The following FSTL5 variants were observed in gnomAD, a reference collection of about 807,000 sequenced individuals.
FSTL5 encodes follistatin like 5.
Under a neutral mutation model 89.1 loss-of-function variants are expected in FSTL5, and 62 were observed. The observed-to-expected ratio is 0.70, with a 90% CI of 0.57 to 0.86. FSTL5 has a LOEUF of 0.86. FSTL5 is among the 40% of genes least tolerant of loss of function. The probability of loss-of-function intolerance (pLI) is 0.00; values close to 1 mark genes in which losing one functional copy is unlikely to be tolerated. For missense variants in FSTL5, 1,057 were observed against 1,001.6 expected (o/e 1.06, Z -0.75); for synonymous variants, 383 against 346.2 (o/e 1.11, Z -1.18).
chr4:161,388,964 T>C (rs1730733553), intron 15 of FSTL5, among the ~76,000 whole-genome samples: 1 of 152,142 alleles, frequency 6.6e-6, no homozygotes, highest in African/African-American at 2.4e-5. Context: ...AAGATCTTTG[T>C]GGGGTGATAA....
chr4:161,867,148 T>C (rs941850458), intron 4 of FSTL5, among the ~76,000 whole-genome samples: 24 of 152,118 alleles, frequency 1.6e-4, no homozygotes, highest in Admixed American at 1.2e-3. Context: ...ATCAAATGGG[T>C]TCAGTTTCAT....
chr4:161,494,664 C>T (rs768375506), intron 12 of FSTL5, among the ~76,000 whole-genome samples: 3 of 152,034 alleles, frequency 2.0e-5, no homozygotes, highest in Non-Finnish European at 2.9e-5. Context: ...GTGGAAATGC[C>T]AAACCTGGAT....
intron 15 of FSTL5, among the ~76,000 whole-genome samples, chr4:161,416,200 G>A (rs1230871729): frequency 6.6e-6 from 1 of 152,136 alleles, no homozygotes; most frequent in Non-Finnish European, 1.5e-5. Flanking sequence ...ACCAAATGCT[G>A]TTCTTTTTCT....
chr4:161,676,473 G>A lies in FSTL5; in HGVS notation c.728-19979C>T, dbSNP rs368137934. Among the ~76,000 whole-genome samples, 28 of 152,030 alleles carry A rather than the reference G, an allele frequency of 1.8e-4. No individual in the cohort carries two copies. The East Asian group carries it at 4.1e-3, about 22-fold the overall frequency. On this transcript the variant is annotated intron_variant, in intron 6 of 15. Coordinates refer to ENST00000306100, the MANE Select transcript of FSTL5 (RefSeq NM_020116.5). ...AACAATGAGAACACATGGACACAGG[G>A]AGGGGAACATCACACACCGGGGCCT...
At chr4:161,883,159 A>T (rs1288582177) in intron 4 of FSTL5, among the ~76,000 whole-genome samples, 1 of 152,164 alleles carries the variant, frequency 6.6e-6, no homozygotes, top group Non-Finnish European at 1.5e-5. Flanking sequence ...AAAATAAGAG[A>T]TAAAAAATAA....
chr4:161,999,791 T>C (rs987826691), intron 3 of FSTL5, among the ~76,000 whole-genome samples: 1 of 152,214 alleles, frequency 6.6e-6, no homozygotes, highest in Admixed American at 6.5e-5. Flanking sequence ...GAAATCATGA[T>C]ACATAATGCA....
intron 5 of FSTL5, among the ~76,000 whole-genome samples, chr4:161,766,527 A>G (rs893531770): frequency 1.3e-5 from 2 of 152,136 alleles, no homozygotes; most frequent in South Asian, 2.1e-4. Flanking sequence ...TGCTCTGCAC[A>G]GTTTCCAGTT....
intron 3 of FSTL5, among the ~76,000 whole-genome samples, chr4:161,985,441 T>C (rs532925523): frequency 2.6e-5 from 4 of 152,070 alleles, no homozygotes; most frequent in Non-Finnish European, 5.9e-5. Flanking sequence ...ATTTACCCAA[T>C]TATTCCATCT....
chr4:161,950,556 C>A (rs576081978), intron 3 of FSTL5, among the ~76,000 whole-genome samples: 1 of 152,156 alleles, frequency 6.6e-6, no homozygotes, highest in South Asian at 2.1e-4. Context: ...TGTGGCACAG[C>A]CTGTAGCAGT....
At chr4:162,045,444 C>T (rs1262845675) in intron 2 of FSTL5, among the ~76,000 whole-genome samples, 3 of 152,082 alleles carry the variant, frequency 2.0e-5, no homozygotes, top group African/African-American at 4.8e-5. Flanking sequence ...TTGATCATCA[C>T]AATTTCATGC....
At chr4:161,805,849 G>C (rs1321476656) in intron 4 of FSTL5, among the ~76,000 whole-genome samples, 1 of 151,952 alleles carries the variant, frequency 6.6e-6, no homozygotes, top group Non-Finnish European at 1.5e-5. Context: ...CACTTTCCAT[G>C]GTTTTGGTTA....
chr4:161,977,627 A>ATAAT (rs1553988105), intron 3 of FSTL5, among the ~76,000 whole-genome samples: 95 of 92,294 alleles, frequency 1.0e-3, no homozygotes, highest in East Asian at 6.0e-3. Flanking sequence ...AAAAAAAAAA[A>ATAAT]AAAAAAAAAA....
At chr4:161,908,811 T>C (rs1238504239) in intron 4 of FSTL5, among the ~76,000 whole-genome samples, 1 of 152,182 alleles carries the variant, frequency 6.6e-6, no homozygotes, top group Non-Finnish European at 1.5e-5. Context: ...TGTTTACTTA[T>C]GGCTTGCCTA....
intron 6 of FSTL5, among the ~76,000 whole-genome samples, chr4:161,758,920 A>C (rs1481072896): frequency 6.6e-6 from 1 of 152,228 alleles, no homozygotes; most frequent in East Asian, 1.9e-4. Flanking sequence ...CTGAAGACAC[A>C]CTTCGGCAAT....
At chr4:161,566,131 T>TAC (rs1732805566) in intron 8 of FSTL5, among the ~76,000 whole-genome samples, 2 of 77,576 alleles carry the variant, frequency 2.6e-5, no homozygotes, top group Non-Finnish European at 2.6e-5. Flanking sequence ...TATATATATA[T>TAC]ATATACACAC....
At chr4:161,992,926 GTGTGTATATATATA>G (rs1560957706) in intron 3 of FSTL5, among the ~76,000 whole-genome samples, 90 of 8,068 alleles carry the variant, frequency 0.011, 4 homozygotes, top group South Asian at 0.046. Context: ...ATATATATAT[GTGTGTATATATATA>G]TGTGTGTATA....
rs938536240 is a variant in FSTL5 at position 161,858,722 on chromosome 4, C to T, written c.409+61682G>A. Among the ~76,000 whole-genome samples, 7 of 152,170 alleles carry T rather than the reference C, an allele frequency of 4.6e-5. No homozygotes were observed. In the East Asian group the frequency reaches 1.3e-3, roughly 29 times the overall value. ...AAGAGACTCCAATACATGACCATGTCTTTTACTTCTAGATGTGTGTCTTGC... is the reference window on the plus strand; with the variant it reads ...AAGAGACTCCAATACATGACCATGTTTTTTACTTCTAGATGTGTGTCTTGC... On this transcript the variant is annotated intron_variant, in intron 4 of 15. Transcript: ENST00000306100.
At chr4:161,881,585 T>C (rs994049265) in intron 4 of FSTL5, among the ~76,000 whole-genome samples, 2 of 152,110 alleles carry the variant, frequency 1.3e-5, no homozygotes, top group African/African-American at 4.8e-5. Context: ...GATTGTTATT[T>C]TTCTCCTAAC....
chr4:161,962,125 G>T (rs1259276038), intron 3 of FSTL5, among the ~76,000 whole-genome samples: 8 of 151,620 alleles, frequency 5.3e-5, no homozygotes, highest in Admixed American at 5.3e-4. Flanking sequence ...TATTAAATAT[G>T]AGTACAATCT....
Sources: gnomAD v4.1 joint callset for allele counts (sites outside exome capture counted in the v4.1 genomes callset) on GRCh38, gnomAD v4.1.1 for gene constraint, MANE v1.5 for transcripts, NCBI Gene and HGNC (gene_info 2026-07-23, HGNC 2026-07-21) for gene names.